NCKAP5: variants seen among roughly 807,000 people sequenced by gnomAD.
The protein encoded by NCKAP5 is NCK associated protein 5.
A neutral mutation model predicts 167.0 loss-of-function variants in NCKAP5; 92 were observed. That is an observed-to-expected ratio of 0.55 (90% CI 0.47 to 0.66). The LOEUF is 0.66. NCKAP5 is among the 30% of genes least tolerant of loss of function. The pLI, the probability that NCKAP5 is intolerant of heterozygous loss-of-function variation, is 0.00. For missense variants in NCKAP5, 2,378 were observed against 2,315.0 expected, an observed-to-expected ratio of 1.03 and a Z score of -0.56; for synonymous variants, 891 against 877.4, an observed-to-expected ratio of 1.02 and a Z score of -0.27.
chr2:133,213,795 C>G lies in NCKAP5; in HGVS notation c.144-16G>C. ...CAACTTCTCCCTGAAGAAACAAAAA[C>G]ACATGATTAGTTGACCATTCTCAGG... On this transcript the variant is annotated splice_polypyrimidine_tract_variant and intron_variant, in intron 4 of 19. Transcript: ENST00000409261. The G allele has an allele frequency of 6.2e-7, 1 of 1,613,574 alleles. No homozygotes were observed. Among genetic ancestry groups the G allele is most frequent in the Non-Finnish European group, 8.5e-7 (1 of 1,179,624 alleles).
At chr2:133,328,910 A>T (rs1190070566) in intron 3 of NCKAP5, among the ~76,000 whole-genome samples, 1 of 152,162 alleles carries the variant, frequency 6.6e-6, no homozygotes, top group Admixed American at 6.5e-5. Context: ...TGTTTGCCCT[A>T]GGGTGTCCAT....
intron 2 of NCKAP5, among the ~76,000 whole-genome samples, chr2:133,543,662 T>C (rs1481506938): frequency 1.3e-5 from 2 of 152,230 alleles, no homozygotes; most frequent in African/African-American, 4.8e-5. Context: ...ATTTCCCCTG[T>C]GGGAAATGAA....
chr2:133,093,650 A>G (rs1459703927), intron 6 of NCKAP5, among the ~76,000 whole-genome samples: 3 of 152,240 alleles, frequency 2.0e-5, no homozygotes, highest in Non-Finnish European at 4.4e-5. Flanking sequence ...AGGAGGGAGC[A>G]TATAAATATC....
At chr2:133,407,037 C>T (rs1559459743) in intron 3 of NCKAP5, among the ~76,000 whole-genome samples, 1 of 152,170 alleles carries the variant, frequency 6.6e-6, no homozygotes. Flanking sequence ...ACAGAATATC[C>T]CCCTAAATGG....
intron 2 of NCKAP5, among the ~76,000 whole-genome samples, chr2:133,533,190 C>T (rs2104838646): frequency 6.6e-6 from 1 of 152,292 alleles, no homozygotes; most frequent in Admixed American, 6.5e-5. Flanking sequence ...GTGAAGCCGC[C>T]CCTGGGAGCT....
intron 3 of NCKAP5, among the ~76,000 whole-genome samples, chr2:133,343,050 T>G (rs149914050): frequency 6.6e-6 from 1 of 152,174 alleles, no homozygotes; most frequent in Admixed American, 6.5e-5. Context: ...GGCTTATTCA[T>G]TGAAAATCAG....
At chr2:133,382,513 G>T (rs1435607474) in intron 3 of NCKAP5, among the ~76,000 whole-genome samples, 1 of 151,980 alleles carries the variant, frequency 6.6e-6, no homozygotes, top group East Asian at 1.9e-4. Flanking sequence ...TTAACTCTCT[G>T]CACACCACAC....
At chr2:133,602,953 G>T in the NCKAP5 span, among the ~76,000 whole-genome samples, 114 of 152,282 alleles carry the variant, frequency 7.5e-4, 3 homozygotes, top group South Asian at 0.022. Context: ...AGGCAGAAGG[G>T]CTTTCTTCAC....
the NCKAP5 span, among the ~76,000 whole-genome samples, chr2:133,647,542 A>G: frequency 4.1e-5 from 4 of 97,532 alleles, no homozygotes; most frequent in Admixed American, 3.0e-4. Context: ...GAAAGGAGGG[A>G]GGGAGGGAGG....
chr2:132,749,998 T>C (rs1679977908), intron 16 of NCKAP5, among the ~76,000 whole-genome samples: 1 of 152,152 alleles, frequency 6.6e-6, no homozygotes, highest in South Asian at 2.1e-4. Context: ...AATCAGTATA[T>C]CCAGCTTACA....
the NCKAP5 span, among the ~76,000 whole-genome samples, chr2:133,650,246 T>C: frequency 1.2e-4 from 19 of 152,148 alleles, no homozygotes; most frequent in African/African-American, 4.3e-4. Context: ...ATCCTATGTT[T>C]ATGGATTGGA....
intron 3 of NCKAP5, among the ~76,000 whole-genome samples, chr2:133,443,406 A>G (rs564305473): frequency 1.4e-3 from 218 of 152,262 alleles, no homozygotes; most frequent in African/African-American, 4.9e-3. Flanking sequence ...AGGACCCCAA[A>G]ACCTCCCACT....
chr2:132,923,878 T>C (rs1695637497), intron 8 of NCKAP5, among the ~76,000 whole-genome samples: 1 of 152,204 alleles, frequency 6.6e-6, no homozygotes. Flanking sequence ...GCACCTTTTA[T>C]GAACATAAAA....
intron 19 of NCKAP5, among the ~76,000 whole-genome samples, chr2:132,676,283 CTTTTTTTTTTT>C (rs61213029): frequency 1.5e-4 from 9 of 61,136 alleles, no homozygotes; most frequent in African/African-American, 3.9e-4. Context: ...TTGTTTTATC[CTTTTTTTTTTT>C]TTTTTTTTTT....
intron 5 of NCKAP5, among the ~76,000 whole-genome samples, chr2:133,137,801 A>C (rs1180800238): frequency 6.6e-6 from 1 of 152,238 alleles, no homozygotes; most frequent in African/African-American, 2.4e-5. Context: ...ACACTCGAAC[A>C]AAGGATTCTT....
chr2:132,982,285 A>C (rs570200611), intron 7 of NCKAP5, among the ~76,000 whole-genome samples: 1 of 152,330 alleles, frequency 6.6e-6, no homozygotes, highest in East Asian at 1.9e-4. Flanking sequence ...TAGCCTCACT[A>C]TACCCACTAC....
At chr2:132,781,395 T>C (rs1683018955) in intron 14 of NCKAP5, among the ~76,000 whole-genome samples, 166 bp from the exon 15 acceptor site, 1 of 152,246 alleles carries the variant, frequency 6.6e-6, no homozygotes, top group South Asian at 2.1e-4. Context: ...CTTCAAATAT[T>C]CTAGTAGCAT....
intron 3 of NCKAP5, among the ~76,000 whole-genome samples, chr2:133,341,527 A>C (rs1186918308): frequency 1.3e-5 from 2 of 152,180 alleles, no homozygotes; most frequent in Non-Finnish European, 2.9e-5. Flanking sequence ...TCTACTGTAC[A>C]TATTTCTTCT....
chr2:133,658,356 T>C, the NCKAP5 span, among the ~76,000 whole-genome samples: 1 of 152,168 alleles, frequency 6.6e-6, no homozygotes, highest in Non-Finnish European at 1.5e-5. Context: ...AAAATACGGT[T>C]CCTGACTACA....
Sources: gnomAD v4.1 joint callset for allele counts (sites outside exome capture counted in the v4.1 genomes callset) on GRCh38, gnomAD v4.1.1 for gene constraint, MANE v1.5 for transcripts, NCBI Gene and HGNC (gene_info 2026-07-23, HGNC 2026-07-21) for gene names.